CEP170: variants seen among roughly 807,000 people sequenced by gnomAD.
CEP170 encodes the protein centrosomal protein 170.
CEP170 carries 21 observed loss-of-function variants against 151.9 expected under a neutral mutation model. The ratio of observed to expected loss-of-function variants is 0.14; its 90% CI spans 0.10 to 0.20. The LOEUF is 0.20. Ranked by LOEUF, CEP170 falls within the 10% of genes least tolerant of loss-of-function variation. The pLI, the probability that CEP170 is intolerant of heterozygous loss-of-function variation, is 1.00. For missense variants in CEP170, 964 were observed against 1,892.9 expected, an observed-to-expected ratio of 0.51 and a Z score of 9.11; for synonymous variants, 356 against 648.8, an observed-to-expected ratio of 0.55 and a Z score of 6.86.
chr1:243,237,108 C>T (rs2064323734), intron 1 of CEP170, among the ~76,000 whole-genome samples: 1 of 152,140 alleles, frequency 6.6e-6, no homozygotes, highest in Non-Finnish European at 1.5e-5. Flanking sequence ...CTATTTTAAG[C>T]AAGAATGTAT....
intron 13 of CEP170, among the ~76,000 whole-genome samples, chr1:243,157,703 A>G (rs1644467653): frequency 6.6e-6 from 1 of 152,194 alleles, no homozygotes; most frequent in Admixed American, 6.5e-5. Flanking sequence ...CTTTTCCTCC[A>G]AAAACTACAT....
chr1:243,213,194 T>C (rs1190823481), intron 3 of CEP170, among the ~76,000 whole-genome samples: 2 of 152,116 alleles, frequency 1.3e-5, no homozygotes, highest in African/African-American at 4.8e-5. Context: ...ACATGGTTAG[T>C]GGCTACTGTA....
intron 6 of CEP170, among the ~76,000 whole-genome samples, chr1:243,200,099 A>T (rs2060925453): frequency 6.6e-6 from 1 of 151,896 alleles, no homozygotes; most frequent in Non-Finnish European, 1.5e-5. Context: ...AAACAAATGA[A>T]GTGAGGTGTA....
intron 16 of CEP170, 119 bp downstream of exon 16, chr1:243,139,818 C>T: frequency 1.9e-6 from 2 of 1,045,950 alleles, no homozygotes; most frequent in South Asian, 2.2e-5. Context: ...GGTGAAATTT[C>T]ATTGCATTCA....
At chr1:243,233,004 G>A (rs181466469) in intron 1 of CEP170, among the ~76,000 whole-genome samples, 1 of 152,276 alleles carries the variant, frequency 6.6e-6, no homozygotes. Context: ...AAATTTCCAG[G>A]GGCAGGAGGT....
intron 1 of CEP170, among the ~76,000 whole-genome samples, chr1:243,232,034 G>A (rs988200686): frequency 6.6e-6 from 1 of 151,932 alleles, no homozygotes; most frequent in African/African-American, 2.4e-5. Context: ...CAAGATCTCA[G>A]CACACTGCAA....
chr1:243,174,649 ATATT>A (rs2059101549), intron 10 of CEP170, among the ~76,000 whole-genome samples: 1 of 152,198 alleles, frequency 6.6e-6, no homozygotes, highest in African/African-American at 2.4e-5. Flanking sequence ...GAACTCCTCA[ATATT>A]TAAATTATCT....
chr1:243,243,372 G>A (rs990361219), intron 1 of CEP170, among the ~76,000 whole-genome samples: 4 of 152,214 alleles, frequency 2.6e-5, no homozygotes, highest in East Asian at 1.9e-4. Context: ...ATAAAATTTA[G>A]AATGAATAAT....
chr1:243,251,639 TA>T (rs925424677), intron 1 of CEP170, among the ~76,000 whole-genome samples: 2 of 152,202 alleles, frequency 1.3e-5, no homozygotes, highest in African/African-American at 4.8e-5. Flanking sequence ...CAAAGGGTAA[TA>T]TTTTCTATAT....
chr1:243,238,292 A>G (rs1382270328), intron 1 of CEP170, among the ~76,000 whole-genome samples: 3 of 152,086 alleles, frequency 2.0e-5, no homozygotes, highest in Non-Finnish European at 4.4e-5. Context: ...TCTACAAAAA[A>G]ATAAAAAAAA....
At chr1:243,211,786 G>T (rs1215479931) in intron 4 of CEP170, 100 bp downstream of exon 4, 2 of 1,334,966 alleles carry the variant, frequency 1.5e-6, no homozygotes, top group Non-Finnish European at 2.1e-6. Context: ...AGAAATTCTG[G>T]CATATCTATA....
At chr1:243,206,811 C>T (rs1002507143) in intron 4 of CEP170, among the ~76,000 whole-genome samples, 18 of 152,258 alleles carry the variant, frequency 1.2e-4, no homozygotes, top group Non-Finnish European at 2.9e-5. Flanking sequence ...CGAAAGTATA[C>T]TGTTGTAATG....
chr1:243,190,824 T>C (rs2060265114), intron 8 of CEP170, among the ~76,000 whole-genome samples, 194 bp downstream of exon 8: 1 of 152,094 alleles, frequency 6.6e-6, no homozygotes, highest in African/African-American at 2.4e-5. Flanking sequence ...GTCAAGAAAA[T>C]GAAGGAAGAC....
At position 243,147,247 on chromosome 1, in the gene CEP170, C is replaced by G. The variant is rs541892382; in HGVS notation, c.3912-4784G>C. Among the ~76,000 whole-genome samples the G allele has an allele frequency of 3.9e-5, 6 of 152,302 alleles. No homozygotes were observed. In the South Asian group the frequency reaches 1.2e-3, roughly 32 times the overall value. On this transcript the variant is annotated intron_variant, in intron 14 of 19. Coordinates refer to ENST00000366542, the MANE Select transcript of CEP170 (RefSeq NM_014812.3). ...CTTGTAACTACATTTTCCCCTGAAG[C>G]CTTTTCCTGGTTTTGGCCCATTATT...
At chr1:243,248,830 A>G (rs369141436) in intron 1 of CEP170, among the ~76,000 whole-genome samples, 22 of 152,268 alleles carry the variant, frequency 1.4e-4, no homozygotes, top group East Asian at 3.9e-4. Flanking sequence ...TAAAATCTCT[A>G]TGCAACCTCA....
intron 1 of CEP170, among the ~76,000 whole-genome samples, chr1:243,226,122 CGT>C (rs1386159915): frequency 3.4e-4 from 33 of 96,004 alleles, no homozygotes; most frequent in East Asian, 2.3e-3. Flanking sequence ...TATGTATATA[CGT>C]GTGTATATAT....
At position 243,199,138 on chromosome 1, in the gene CEP170, C is replaced by T. The variant is rs2060854109; in HGVS notation, c.553G>A (p.Asp185Asn). 6.2e-7 allele frequency: 1 copy of T among 1,611,822 alleles called. No individual in the cohort carries two copies. The highest frequency in any genetic ancestry group is 8.5e-7 in the Non-Finnish European group (1 of 1,178,602). ...GCTCTTTTTTCATCCACCTCATCAT[C>T]CCCCCACCATGACGGCTGCCCATAT... ...PLYGQPSWWG[D>N]DEVDEKRAFK... The change falls in exon 7 of 20, where the codon GAT (aspartate) becomes AAT (asparagine). Residue 185 changes from aspartate (D) to asparagine (N), a missense_variant. Coordinates refer to ENST00000366542, the MANE Select transcript of CEP170 (RefSeq NM_014812.3).
intron 14 of CEP170, among the ~76,000 whole-genome samples, chr1:243,143,218 T>TA (rs2056080595): frequency 6.6e-6 from 1 of 152,102 alleles, no homozygotes; most frequent in South Asian, 2.1e-4. Context: ...CTGCACTCTT[T>TA]CGTAGAGCAC....
chr1:243,218,120 C>G (rs1397814896), intron 3 of CEP170, among the ~76,000 whole-genome samples: 1 of 152,238 alleles, frequency 6.6e-6, no homozygotes, highest in African/African-American at 2.4e-5. Context: ...CAGAGCACAA[C>G]CACCTCAATC....
Sources: allele counts gnomAD v4.1 joint callset (sites outside exome capture counted in the v4.1 genomes callset), GRCh38; gene constraint gnomAD v4.1.1; transcripts MANE v1.5; gene names NCBI Gene and HGNC (gene_info 2026-07-23, HGNC 2026-07-21).